The following ATP2B2 variants were observed in gnomAD, a reference collection of about 807,000 sequenced individuals.
ATP2B2 encodes the protein plasma membrane calcium-transporting ATPase 2.
In ATP2B2, 15 loss-of-function variants were observed where a neutral mutation model predicts 120.0. The observed-to-expected ratio is 0.12, with a 90% CI of 0.08 to 0.19. The LOEUF is 0.19. Among genes scored for constraint, ATP2B2 ranks in the 10% least tolerant of loss-of-function variants. ATP2B2 has a pLI of 1.00. For missense variants in ATP2B2, 1,045 were observed against 1,719.8 expected, an observed-to-expected ratio of 0.61 and a Z score of 6.94; for synonymous variants, 694 against 700.3, an observed-to-expected ratio of 0.99 and a Z score of 0.14.
intron 1 of ATP2B2, among the ~76,000 whole-genome samples, chr3:10,687,998 A>G (rs2071564868): frequency 6.6e-6 from 1 of 152,222 alleles, no homozygotes; most frequent in African/African-American, 2.4e-5. Flanking sequence ...ACTGGTTTTG[A>G]TATTATATAT....
At chr3:10,649,157 C>G (rs1479448069) in intron 1 of ATP2B2, among the ~76,000 whole-genome samples, 1 of 152,206 alleles carries the variant, frequency 6.6e-6, no homozygotes, top group Admixed American at 6.5e-5. Context: ...GATCTTCCCA[C>G]CTTGGCCTCC....
intron 2 of ATP2B2, among the ~76,000 whole-genome samples, chr3:10,427,152 C>T (rs924145419): frequency 6.6e-6 from 1 of 152,158 alleles, no homozygotes; most frequent in Non-Finnish European, 1.5e-5. Context: ...GTCTCTCATC[C>T]CATCTTCTCT....
At position 10,667,667 on chromosome 3, in the gene ATP2B2, GAGGGAA is replaced by G. The variant is rs2070979818; in HGVS notation, c.-460+40242_-460+40247del. Among the ~76,000 whole-genome samples, 3 of 152,274 alleles carry G rather than the reference GAGGGAA, an allele frequency of 2.0e-5. No homozygotes were observed. The South Asian group carries it at 6.2e-4, about 32-fold the overall frequency. ...TGAAGGTAACTATTCTACAGAGGTC[GAGGGAA>G]AGGGGCTCCTTGCCTAAGTTAACGT... On this transcript the variant is annotated intron_variant, in intron 1 of 21. Transcript: ENST00000646379.
At chr3:10,507,632 T>C (rs1022674113), upstream of ATP2B2, among the ~76,000 whole-genome samples, 4 of 152,212 alleles carry the variant, frequency 2.6e-5, no homozygotes, top group Non-Finnish European at 2.9e-5. Context: ...GTAAACTGCT[T>C]TCCCTGCTTA....
At chr3:10,388,794 A>AT (rs985814099) in intron 5 of ATP2B2, among the ~76,000 whole-genome samples, 1 of 152,018 alleles carries the variant, frequency 6.6e-6, no homozygotes, top group African/African-American at 2.4e-5. Context: ...AAAATCACAG[A>AT]TTTTTTCATA....
rs565208165 is a variant in ATP2B2, at chr3:10,594,461, G to A, written c.-415+25456C>T. On this transcript the variant is annotated intron_variant, in intron 2 of 21. Coordinates refer to the ATP2B2 transcript ENST00000646379. The stretch of plus-strand genomic sequence containing the variant: ...AAACCATCATTCCCAGCAAACTATC[G>A]CAAGGACAAAAAACCAAACATTGCA... Among the ~76,000 whole-genome samples, 61 of 150,902 alleles carry A rather than the reference G, an allele frequency of 4.0e-4. 1 individual carries two copies. Among genetic ancestry groups the A allele is most frequent in the Admixed American group, 3.5e-3 (53 of 15,080 alleles).
At chr3:10,603,474 G>T (rs887632271) in intron 2 of ATP2B2, among the ~76,000 whole-genome samples, 10 of 152,328 alleles carry the variant, frequency 6.6e-5, no homozygotes, top group Admixed American at 3.3e-4. Context: ...GAATGCAAAT[G>T]CTGCTGCTAA....
intron 3 of ATP2B2, among the ~76,000 whole-genome samples, chr3:10,530,724 C>T (rs922634175): frequency 6.6e-6 from 1 of 152,188 alleles, no homozygotes; most frequent in African/African-American, 2.4e-5. Flanking sequence ...CCACCTTTTA[C>T]AAAGGGCTCC....
intron 2 of ATP2B2, among the ~76,000 whole-genome samples, chr3:10,552,362 T>A (rs2067688223): frequency 6.6e-6 from 1 of 152,246 alleles, no homozygotes; most frequent in Non-Finnish European, 1.5e-5. Flanking sequence ...GCAACGTGGC[T>A]GGAAGCCAAC....
At chr3:10,430,930 AG>A (rs925024463) in intron 2 of ATP2B2, among the ~76,000 whole-genome samples, 1 of 151,506 alleles carries the variant, frequency 6.6e-6, no homozygotes, top group Admixed American at 6.6e-5. Flanking sequence ...CTAACAGAGT[AG>A]GGGGTGCTAT....
chr3:10,442,773 C>T (rs889549533), intron 2 of ATP2B2, among the ~76,000 whole-genome samples: 1 of 152,218 alleles, frequency 6.6e-6, no homozygotes, highest in Non-Finnish European at 1.5e-5. Flanking sequence ...TCCCTTGAAG[C>T]CACACAGAGA....
chr3:10,523,482 C>T (rs1480428776), intron 3 of ATP2B2, among the ~76,000 whole-genome samples: 4 of 152,200 alleles, frequency 2.6e-5, no homozygotes, highest in South Asian at 2.1e-4. Flanking sequence ...TCATGGAAGG[C>T]GGAATCCTGG....
At chr3:10,582,814 G>C (rs1323845248) in intron 2 of ATP2B2, among the ~76,000 whole-genome samples, 1 of 152,210 alleles carries the variant, frequency 6.6e-6, no homozygotes, top group Non-Finnish European at 1.5e-5. Context: ...AAAGAGGCAG[G>C]TCAGACCACA....
chr3:10,514,988 T>G (rs1333201249), intron 3 of ATP2B2, among the ~76,000 whole-genome samples: 1 of 152,210 alleles, frequency 6.6e-6, no homozygotes, highest in Admixed American at 6.5e-5. Flanking sequence ...CCCCAGGGGC[T>G]GGTTAGCAGT....
intron 1 of ATP2B2, among the ~76,000 whole-genome samples, chr3:10,698,409 C>T (rs1310082449): frequency 6.6e-6 from 1 of 152,154 alleles, no homozygotes; most frequent in Non-Finnish European, 1.5e-5. Context: ...CAGAGCTAAT[C>T]CACCTTTGAT....
rs1455688328 is a variant in ATP2B2 at position 10,340,236 on chromosome 3, A to T, written c.3237+6T>A. On this transcript the variant is annotated splice_donor_region_variant and intron_variant, in intron 21 of 22. Transcript: ENST00000360273. This position sits in a 1 kb window ranked among gnomAD's most constrained non-coding sequence, Gnocchi z 5.0. ...AGGCACCTCCTGCGACCTACCAGGA[A>T]CTTACCTGGCCCCAAACGAGCTCTC... 1.2e-6 allele frequency: 2 copies of T among 1,613,748 alleles called. No homozygotes were observed. Among genetic ancestry groups the T allele is most frequent in the Non-Finnish European group, 8.5e-7 (1 of 1,179,916 alleles).
chr3:10,364,716 A>C (rs1428475503), intron 12 of ATP2B2, among the ~76,000 whole-genome samples: 3 of 152,014 alleles, frequency 2.0e-5, no homozygotes, highest in Non-Finnish European at 2.9e-5. Flanking sequence ...ATCTTGGGGA[A>C]AAAAAATAAT....
rs541110098 is a variant in ATP2B2 at position 10,408,620 on chromosome 3, A to G, written c.397+1998T>C. ...AAAGGGCCAGACAGACTCGGGTTGA[A>G]AATCCTGCCCTACAGTCTAACGTAG... On this transcript the variant is annotated intron_variant, in intron 3 of 22. Transcript: ENST00000360273. Among the ~76,000 whole-genome samples, 4 of 152,324 alleles carry G rather than the reference A, an allele frequency of 2.6e-5. No homozygotes were observed. In the East Asian group the frequency reaches 7.7e-4, roughly 29 times the overall value.
intron 1 of ATP2B2, among the ~76,000 whole-genome samples, chr3:10,691,644 A>G (rs1290445959): frequency 6.6e-6 from 1 of 152,220 alleles, no homozygotes; most frequent in Admixed American, 6.5e-5. Flanking sequence ...TGGCTTATCC[A>G]TGGAAACAAA....
Sources: allele counts gnomAD v4.1 joint callset (sites outside exome capture counted in the v4.1 genomes callset), GRCh38; gene constraint gnomAD v4.1.1; non-coding constraint Gnocchi (gnomAD v3.1); transcripts MANE v1.5; gene names NCBI Gene and HGNC (gene_info 2026-07-23, HGNC 2026-07-21).